Variants in XCL2 observed in about 807,000 individuals in gnomAD.
XCL2 encodes the protein X-C motif chemokine ligand 2, also known as cytokine SCM-1 beta.
XCL2 carries 8 observed loss-of-function variants against 7.2 expected under a neutral mutation model. The ratio of observed to expected loss-of-function variants is 1.10; its 90% CI spans 0.65 to 1.99. XCL2 has a LOEUF of 1.99. Ranked by LOEUF, XCL2 falls within the 30% of genes most tolerant of loss-of-function variation. XCL2 has a pLI of 0.00. For missense variants in XCL2, 131 were observed against 138.6 expected (o/e 0.94, Z 0.28); for synonymous variants, 46 against 54.2 (o/e 0.85, Z 0.67).
At chr1:168,542,677 A>G (rs533439528) in intron 1 of XCL2, 1 of 162,076 alleles carries the variant, frequency 6.2e-6, no homozygotes, top group African/African-American at 2.4e-5. Flanking sequence ...CTGAGTAAAT[A>G]AAGGTGTTCC....
intron 1 of XCL2, 33 bp downstream of exon 1, chr1:168,543,871 A>G (rs3820404): frequency 0.11 from 148,647 of 1,382,330 alleles, 17,516 homozygotes; most frequent in African/African-American, 0.25. Flanking sequence ...TTGCCTCCCT[A>G]TTCTTTATCT....
In XCL2 at chr1:168,540,913, G is replaced by T; in HGVS notation, c.*39C>A. 1 of 1,607,370 alleles carries T rather than the reference G, an allele frequency of 6.2e-7. No individual in the cohort carries two copies. The highest frequency in any genetic ancestry group is 8.5e-7 in the Non-Finnish European group (1 of 1,175,078). Reference sequence around the variant, plus strand: ...AGTCCATGAGGGTGTAAAGTGAAATGAGCTGGCTGGCTGGAGACGGACAGG... The same window carrying T: ...AGTCCATGAGGGTGTAAAGTGAAATTAGCTGGCTGGCTGGAGACGGACAGG... On this transcript the variant is annotated 3_prime_UTR_variant, in exon 3 of 3. Transcript: ENST00000367819.
chr1:168,543,972 G>A lies in XCL2; in HGVS notation c.-8C>T. On this transcript the variant is annotated 5_prime_UTR_variant, in exon 1 of 3. Coordinates refer to ENST00000367819, the MANE Select transcript of XCL2 (RefSeq NM_003175.4). ...CAGGATGAGAAGTCTCATGGCTGAG[G>A]TCCCGCTGAGCTGTGCAGGGAGAGT... 6.2e-7 allele frequency: 1 copy of A among 1,604,858 alleles called. No individual in the cohort carries two copies. Among genetic ancestry groups the A allele is most frequent in the South Asian group, 1.1e-5 (1 of 90,226 alleles).
At position 168,543,942 on chromosome 1, in the gene XCL2, A is replaced by G. The variant is rs1433269376; in HGVS notation, c.23T>C (p.Leu8Pro). ...TGCAGTGAGAGAGCAGATGCCAAGGAGGGCCAGGATGAGAAGTCTCATGGC... is the reference window on the plus strand; with the variant it reads ...TGCAGTGAGAGAGCAGATGCCAAGGGGGGCCAGGATGAGAAGTCTCATGGC... MRLLILA[L>P]LGICSLTAYI... The change falls in exon 1 of 3, where the codon CTC becomes CCC. Residue 8 changes from leucine to proline, a missense_variant. Physicochemically the swap from Leu to Pro is moderately conservative, Grantham distance 98. Coordinates refer to ENST00000367819, the MANE Select transcript of XCL2 (RefSeq NM_003175.4). The G allele has an allele frequency of 1.2e-6, 2 of 1,610,028 alleles. No individual in the cohort carries two copies. Among genetic ancestry groups the G allele is most frequent in the Admixed American group, 3.3e-5 (2 of 59,770 alleles).
rs1249967369 is a variant in XCL2 at position 168,543,593 on chromosome 1, T to C, written c.61+311A>G. Among the ~76,000 whole-genome samples the C allele has an allele frequency of 1.5e-4, 21 of 142,930 alleles. 1 individual carries two copies. Among genetic ancestry groups the C allele is most frequent in the Non-Finnish European group, 2.5e-4 (16 of 65,244 alleles). The allele number at this position is 142,930 out of a possible 152,430, so 93.8% of individuals were successfully genotyped here. ...CCATAATATTTATTTAATCTTAATCTCAGGTGATCATGTCTCTTATTCTAT... is the reference window on the plus strand; with the variant it reads ...CCATAATATTTATTTAATCTTAATCCCAGGTGATCATGTCTCTTATTCTAT... On this transcript the variant is annotated intron_variant, in intron 1 of 2. Transcript: ENST00000367819.
intron 1 of XCL2, 128 bp downstream of exon 1, chr1:168,543,776 A>T (rs1654341059): frequency 8.1e-7 from 1 of 1,242,048 alleles, no homozygotes; most frequent in Non-Finnish European, 1.1e-6. Flanking sequence ...CCTTTCTTGC[A>T]CATGGGAAGT....
rs1654299551 is a variant in XCL2, at chr1:168,542,101, C to T, written c.68G>A (p.Gly23Glu). Residue 23 changes from glycine (G) to glutamate (E), a missense_variant, in exon 2 of 3, where the codon GGG becomes GAG. Transcript: ENST00000367819. ...GGTCCTCCTATGTGAGACTTCACTC[C>T]CTACACCTGATGAGGAAAAAAAAAC... is the stretch of plus-strand genomic sequence containing the variant. ...SLTAYIVEGV[G>E]SEVSHRRTCV... 3 of 1,500,506 alleles carry T rather than the reference C, an allele frequency of 2.0e-6. 1 individual carries two copies. The highest frequency in any genetic ancestry group is 2.8e-5 in the African/African-American group (2 of 72,614). 92.9% of individuals were successfully genotyped at this position (1,500,506 alleles called of 1,614,324 possible).
chr1:168,542,007 G>A lies in XCL2; in HGVS notation c.162C>T (p.Ser54=). The change falls in exon 2 of 3, where the codon TCC becomes TCT. Residue 54 remains serine, a synonymous_variant. Transcript: ENST00000367819. ...RIKTYTITEG[S]LRAVIFITKR... Reference sequence around the variant, plus strand: ...GGCAGACTCACATTACTGCTCTCAAGGAGCCTTCCGTGATGGTGTAGGTCT... The same window carrying A: ...GGCAGACTCACATTACTGCTCTCAAAGAGCCTTCCGTGATGGTGTAGGTCT... The A allele has an allele frequency of 6.2e-7, 1 of 1,610,988 alleles. No homozygotes were observed.
intron 1 of XCL2, among the ~76,000 whole-genome samples, chr1:168,542,393 A>AT (rs760774413): frequency 6.6e-6 from 1 of 152,010 alleles, no homozygotes; most frequent in Non-Finnish European, 1.5e-5. Context: ...TCACTTAGAC[A>AT]TTTGGGACGG....
Position 168,543,975 on chromosome 1 carries a change from C to G in XCL2, c.-11G>C, listed in dbSNP as rs764612073. On this transcript the variant is annotated 5_prime_UTR_variant, in exon 1 of 3. Transcript: ENST00000367819. ...GATGAGAAGTCTCATGGCTGAGGTC[C>G]CGCTGAGCTGTGCAGGGAGAGTGAG... The G allele has an allele frequency of 6.2e-7, 1 of 1,604,074 alleles. No homozygotes were observed. Among genetic ancestry groups the G allele is most frequent in the Non-Finnish European group, 8.5e-7 (1 of 1,175,486 alleles).
At chr1:168,543,307 G>T in intron 1 of XCL2, 1 of 219,098 alleles carries the variant, frequency 4.6e-6, no homozygotes, top group South Asian at 6.2e-5. Context: ...AGGAAGGCAA[G>T]ACTGGGACAT....
At position 168,543,952 on chromosome 1, in the gene XCL2, T is replaced by A; in HGVS notation, c.13A>T (p.Ile5Phe). 1 of 1,608,718 alleles carries A rather than the reference T, an allele frequency of 6.2e-7. No homozygotes were observed. The highest frequency in any genetic ancestry group is 8.5e-7 in the Non-Finnish European group (1 of 1,177,768). ...GAGCAGATGCCAAGGAGGGCCAGGA[T>A]GAGAAGTCTCATGGCTGAGGTCCCG... The part of the protein sequence containing the change: MRLL[I>F]LALLGICSLT... Residue 5 changes from isoleucine (I) to phenylalanine (F), a missense_variant, in exon 1 of 3, where the codon ATC becomes TTC. Transcript: ENST00000367819.
chr1:168,542,932 G>T, intron 1 of XCL2: 1 of 262,148 alleles, frequency 3.8e-6, no homozygotes, highest in Non-Finnish European at 7.3e-6. Context: ...GGTTCCAGCT[G>T]CAAAGAGCTA....
At chr1:168,543,413 A>G (rs1654334734) in intron 1 of XCL2, 1 of 182,778 alleles carries the variant, frequency 5.5e-6, no homozygotes, top group African/African-American at 2.4e-5. Flanking sequence ...GCATCCCCAT[A>G]TTGTAACTGA....
chr1:168,541,129 C>G lies in XCL2; in HGVS notation c.177-9G>C. 4 of 1,613,088 alleles carry G rather than the reference C, an allele frequency of 2.5e-6. No individual in the cohort carries two copies. Among genetic ancestry groups the G allele is most frequent in the Non-Finnish European group, 3.4e-6 (4 of 1,179,324 alleles). ...CACGTTTGGTAATAAAACTGTAACG[C>G]AAGGAAAAGACAGATGAAGTTAGCC... On this transcript the variant is annotated splice_polypyrimidine_tract_variant and intron_variant, in intron 2 of 2. Transcript: ENST00000367819.
chr1:168,543,784 A>G (rs1474062176), intron 1 of XCL2, 120 bp downstream of exon 1: 1 of 1,359,540 alleles, frequency 7.4e-7, no homozygotes, highest in Non-Finnish European at 1.0e-6. Flanking sequence ...GCACATGGGA[A>G]GTTTAAGGCT....
At chr1:168,541,205 A>G in intron 2 of XCL2, 85 bp from the exon 3 acceptor site, 1 of 1,515,112 alleles carries the variant, frequency 6.6e-7, no homozygotes, top group Non-Finnish European at 8.9e-7. Flanking sequence ...AGACATGAAG[A>G]GATCTTGTGC....
rs763023609 is a variant in XCL2, at chr1:168,542,091, G to A, written c.78C>T (p.Val26=). 49 of 1,527,766 alleles carry A rather than the reference G, an allele frequency of 3.2e-5. 6 individuals carry two copies. The highest frequency in any genetic ancestry group is 3.9e-5 in the Non-Finnish European group (44 of 1,130,194). The allele number at this position is 1,527,766 out of a possible 1,614,324, so 94.6% of individuals were successfully genotyped here. The change falls in exon 2 of 3, where the codon GTC becomes GTT. Residue 26 remains valine (V), a synonymous_variant. Coordinates refer to ENST00000367819, the MANE Select transcript of XCL2 (RefSeq NM_003175.4). ...AYIVEGVGSE[V]SHRRTCVSLT... is the part of the protein sequence containing the mutation. ...GGCTCACACAGGTCCTCCTATGTGA[G>A]ACTTCACTCCCTACACCTGATGAGG... is the stretch of plus-strand genomic sequence containing the variant.
intron 1 of XCL2, 105 bp from the exon 2 acceptor site, chr1:168,542,212 G>A (rs974297836): frequency 2.2e-5 from 22 of 1,007,760 alleles, no homozygotes; most frequent in Admixed American, 3.4e-5. Context: ...GAGAATATAA[G>A]GCCATTTGCT....
Sources: gnomAD v4.1 joint callset for allele counts (sites outside exome capture counted in the v4.1 genomes callset) on GRCh38, gnomAD v4.1.1 for gene constraint, MANE v1.5 for transcripts, NCBI Gene and HGNC (gene_info 2026-07-23, HGNC 2026-07-21) for gene names.